NAT2: variants seen among roughly 807,000 people sequenced by gnomAD.
NAT2 encodes the protein N-acetyltransferase 2, also known as arylamine N-acetyltransferase 2.
For synonymous variants in NAT2, 137 were observed against 125.9 expected (o/e 1.09, Z -0.59); for missense variants, 428 against 339.1 (o/e 1.26, Z -2.06).
At chr8:18,389,630 A>T (rs999606394), upstream of NAT2, among the ~76,000 whole-genome samples, 9 of 152,248 alleles carry the variant, frequency 5.9e-5, no homozygotes, top group Non-Finnish European at 1.0e-4. Flanking sequence ...TCTATACAAG[A>T]GGACAGAAAT....
chr8:18,391,197 G>C (rs968026580), upstream of NAT2: 2 of 152,228 alleles, frequency 1.3e-5, no homozygotes, highest in South Asian at 2.1e-4. Context: ...AGAGATCCCT[G>C]AGGTGATCCT....
chr8:18,394,246 C>G (rs192629838), intron 1 of NAT2, among the ~76,000 whole-genome samples: 1 of 152,234 alleles, frequency 6.6e-6, no homozygotes, highest in East Asian at 1.9e-4. Context: ...GCCATTTTCC[C>G]ATCTTTTGTG....
At chr8:18,396,129 A>G (rs969765312) in intron 1 of NAT2, among the ~76,000 whole-genome samples, 2 of 152,100 alleles carry the variant, frequency 1.3e-5, no homozygotes, top group Admixed American at 6.5e-5. Context: ...AATTAGTTGT[A>G]ACACAAGGTA....
chr8:18,394,176 C>A (rs1403798498), intron 1 of NAT2, among the ~76,000 whole-genome samples: 1 of 152,080 alleles, frequency 6.6e-6, no homozygotes, highest in Non-Finnish European at 1.5e-5. Context: ...AGCTATTGAG[C>A]CAGGATGAGC....
chr8:18,399,536 G>A (rs1800751118), intron 1 of NAT2, among the ~76,000 whole-genome samples: 1 of 152,174 alleles, frequency 6.6e-6, no homozygotes, highest in Non-Finnish European at 1.5e-5. Flanking sequence ...TTTTTTGAGT[G>A]AGGAGCTTTG....
chr8:18,386,771 C>G (rs1800511804), upstream of NAT2, among the ~76,000 whole-genome samples: 1 of 151,982 alleles, frequency 6.6e-6, no homozygotes, highest in African/African-American at 2.4e-5. Flanking sequence ...CTCTGGGAAG[C>G]TCTCAGGCCT....
rs770525419 is a variant in NAT2 at position 18,400,043 on chromosome 8, A to G, written c.40A>G (p.Asn14Asp). 1 of 1,607,130 alleles carries G rather than the reference A, an allele frequency of 6.2e-7. No individual in the cohort carries two copies. Among genetic ancestry groups the G allele is most frequent in the Non-Finnish European group, 8.5e-7 (1 of 1,176,196 alleles). The change falls in exon 2 of 2, where the codon AAC becomes GAC. Residue 14 changes from asparagine to aspartate, a missense_variant. Physicochemically the swap from Asn to Asp is conservative, Grantham distance 23. Transcript: ENST00000286479. ...ATATTTTGAAAGAATTGGCTATAAG[A>G]ACTCTAGGAACAAATTGGACTTGGA... ...EAYFERIGYK[N>D]SRNKLDLETL...
rs1328688000 is a variant in NAT2, at chr8:18,401,034, CAAT to C, written c.*161_*163del. On this transcript the variant is annotated 3_prime_UTR_variant, in exon 2 of 2. Coordinates refer to ENST00000286479, the MANE Select transcript of NAT2 (RefSeq NM_000015.3). ...AAAAATGTCAGCATTTATTAAAAAA[CAAT>C]AACTTTTTAAAGAAACATAAGGACA... 1 of 514,522 alleles carries C rather than the reference CAAT, an allele frequency of 1.9e-6. No individual in the cohort carries two copies. The highest frequency in any genetic ancestry group is 3.3e-6 in the Non-Finnish European group (1 of 307,250). 31.9% of individuals were successfully genotyped at this position (514,522 alleles called of 1,614,324 possible). A position where few individuals can be genotyped will look rare whatever the true frequency, so the allele number is the denominator to read the frequency against.
At chr8:18,390,315 T>A (rs1185099915), upstream of NAT2, among the ~76,000 whole-genome samples, 1 of 152,168 alleles carries the variant, frequency 6.6e-6, no homozygotes, top group Admixed American at 6.5e-5. Context: ...CTAAAAGTAA[T>A]TTAGCTCATA....
rs1440891995 is a variant in NAT2, at chr8:18,397,418, A to C, written c.-6-2580A>C. Among the ~76,000 whole-genome samples the C allele has an allele frequency of 4.6e-5, 7 of 152,154 alleles. No individual in the cohort carries two copies. In the East Asian group the frequency reaches 1.3e-3, roughly 29 times the overall value. On this transcript the variant is annotated intron_variant, in intron 1 of 1. Transcript: ENST00000286479. ...TAAAAAGAAAAGAGAATTATTTTGT[A>C]TGATAAATAATTTTATATTTTTTTC...
chr8:18,400,404 C>G lies in NAT2; in HGVS notation c.401C>G (p.Pro134Arg). Residue 134 changes from proline to arginine, a missense_variant, in exon 2 of 2, where the codon CCT (proline) becomes CGT (arginine). By Grantham distance (103) the Pro-to-Arg change is moderately radical. Transcript: ENST00000286479. ...GGAAGCTCCTCCCAGATGTGGCAGCCTCTAGAATTAATTTCTGGGAAGGAT... is the reference window on the plus strand; with the variant it reads ...GGAAGCTCCTCCCAGATGTGGCAGCGTCTAGAATTAATTTCTGGGAAGGAT... ...GSGSSSQMWQ[P>R]LELISGKDQP... The G allele has an allele frequency of 1.2e-6, 2 of 1,611,888 alleles. No individual in the cohort carries two copies. The highest frequency in any genetic ancestry group is 1.7e-6 in the Non-Finnish European group (2 of 1,179,328).
Position 18,400,515 on chromosome 8 carries a change from C to T in NAT2, c.512C>T (p.Thr171Ile), listed in dbSNP as rs956044329. 1.2e-6 allele frequency: 2 copies of T among 1,613,186 alleles called. No homozygotes were observed. The highest frequency in any genetic ancestry group is 8.5e-7 in the Non-Finnish European group (1 of 1,179,802). The change falls in exon 2 of 2, where the codon ACA (threonine) becomes ATA (isoleucine). Residue 171 changes from threonine to isoleucine, a missense_variant. Physicochemically the swap from Thr to Ile is moderately conservative, Grantham distance 89. Coordinates refer to ENST00000286479, the MANE Select transcript of NAT2 (RefSeq NM_000015.3). ...CAAATCAGGAGAGAGCAGTATATTA[C>T]AAACAAAGAATTTCTTAATTCTCAT... ...LDQIRREQYI[T>I]NKEFLNSHLL...
chr8:18,398,701 G>A (rs1396370915), intron 1 of NAT2, among the ~76,000 whole-genome samples: 2 of 152,132 alleles, frequency 1.3e-5, no homozygotes, highest in Non-Finnish European at 2.9e-5. Context: ...TCTTCAGTGG[G>A]TTCTCCCCAG....
At chr8:18,396,882 G>T (rs1288801267) in intron 1 of NAT2, among the ~76,000 whole-genome samples, 3 of 152,202 alleles carry the variant, frequency 2.0e-5, no homozygotes, top group African/African-American at 7.2e-5. Context: ...TAATGTCTCA[G>T]TTCTCAAAGC....
chr8:18,394,459 A>G (rs1379597142), intron 1 of NAT2, among the ~76,000 whole-genome samples: 1 of 152,166 alleles, frequency 6.6e-6, no homozygotes, highest in Non-Finnish European at 1.5e-5. Flanking sequence ...GCTCCTTTTT[A>G]AAAAATGGCT....
rs1408434834 is a variant in NAT2 at position 18,400,736 on chromosome 8, AATTAT to A, written c.735_739del (p.Asn245LysfsTer10). 6.2e-7 allele frequency: 1 copy of A among 1,613,792 alleles called. No individual in the cohort carries two copies. On this transcript the variant is annotated frameshift_variant, in exon 2 of 2. Coordinates refer to ENST00000286479, the MANE Select transcript of NAT2 (RefSeq NM_000015.3). LOFTEE classifies it low-confidence loss of function (END_TRUNC). ...CTTCATCCTCACCTATAGAAAATTC[AATTAT>A]AAAGACAATACAGATCTGGTCGAGT...
In NAT2 at chr8:18,400,498, G is replaced by T; in HGVS notation, c.495G>T (p.Arg165Ser). 2 of 1,613,792 alleles carry T rather than the reference G, an allele frequency of 1.2e-6. No individual in the cohort carries two copies. Among genetic ancestry groups the T allele is most frequent in the Non-Finnish European group, 1.7e-6 (2 of 1,179,932 alleles). Residue 165 changes from arginine to serine, a missense_variant, in exon 2 of 2, where the codon AGG (arginine) becomes AGT (serine). Arg to Ser is a moderately radical substitution (Grantham distance 110, BLOSUM62 -1). Coordinates refer to ENST00000286479, the MANE Select transcript of NAT2 (RefSeq NM_000015.3). Reference protein sequence around the residue: ...ERGIWYLDQIRREQYITNKEF... With the variant: ...ERGIWYLDQISREQYITNKEF... ...GAATCTGGTACCTGGACCAAATCAGGAGAGAGCAGTATATTACAAACAAAG... is the reference window on the plus strand; with the variant it reads ...GAATCTGGTACCTGGACCAAATCAGTAGAGAGCAGTATATTACAAACAAAG...
Position 18,400,930 on chromosome 8 carries a change from A to C in NAT2, c.*54A>C. 7.3e-7 allele frequency: 1 copy of C among 1,365,814 alleles called. No homozygotes were observed. Among genetic ancestry groups the C allele is most frequent in the Non-Finnish European group, 9.9e-7 (1 of 1,005,472 alleles). The allele number at this position is 1,365,814 out of a possible 1,614,324, so 84.6% of individuals were successfully genotyped here. ...TGTATCACCCAACTCACTAATTATC[A>C]ACTTATGTGCTATCAGATATCCTCT... On this transcript the variant is annotated 3_prime_UTR_variant, in exon 2 of 2. Coordinates refer to ENST00000286479, the MANE Select transcript of NAT2 (RefSeq NM_000015.3).
At chr8:18,388,215 A>G (rs1800535687), upstream of NAT2, among the ~76,000 whole-genome samples, 1 of 152,160 alleles carries the variant, frequency 6.6e-6, no homozygotes, top group Non-Finnish European at 1.5e-5. Flanking sequence ...ACAATTCATG[A>G]ATTATTACAT....
Sources: gnomAD v4.1 joint callset for allele counts (sites outside exome capture counted in the v4.1 genomes callset) on GRCh38, gnomAD v4.1.1 for gene constraint, MANE v1.5 for transcripts, NCBI Gene and HGNC (gene_info 2026-07-23, HGNC 2026-07-21) for gene names.